The following RRM1 variants were observed in gnomAD, a reference collection of about 807,000 sequenced individuals.
RRM1 encodes ribonucleotide reductase catalytic subunit M1.
RRM1 carries 19 observed loss-of-function variants against 101.5 expected under a neutral mutation model. The observed-to-expected ratio is 0.19, with a 90% confidence interval of 0.13 to 0.27. RRM1 has a LOEUF of 0.27. Ranked by LOEUF, RRM1 falls within the 10% of genes least tolerant of loss-of-function variation. The pLI, the probability that RRM1 is intolerant of heterozygous loss-of-function variation, is 1.00. For missense variants in RRM1, 500 were observed against 962.9 expected, an observed-to-expected ratio of 0.52 and a Z score of 6.36; for synonymous variants, 298 against 323.4, an observed-to-expected ratio of 0.92 and a Z score of 0.84.
chr11:4,098,552 A>G (rs2094546717), intron 1 of RRM1, among the ~76,000 whole-genome samples: 2 of 152,186 alleles, frequency 1.3e-5, no homozygotes, highest in Admixed American at 6.5e-5. Flanking sequence ...AGATCCTACA[A>G]TCAATTGAGA....
At chr11:4,121,290 A>T (rs1042079760) in intron 9 of RRM1, among the ~76,000 whole-genome samples, 1 of 152,182 alleles carries the variant, frequency 6.6e-6, no homozygotes, top group Admixed American at 6.5e-5. Context: ...CTTTATGTAC[A>T]TGTCATGTGG....
At chr11:4,127,956 C>T (rs2094592597) in intron 14 of RRM1, among the ~76,000 whole-genome samples, 1 of 152,124 alleles carries the variant, frequency 6.6e-6, no homozygotes, top group African/African-American at 2.4e-5. Flanking sequence ...GGGCTGTGAT[C>T]TCGTCTGAGA....
chr11:4,138,598 GAAA>G lies in RRM1; in HGVS notation c.*223_*225del. 3.3e-6 allele frequency: 1 copy of G among 300,748 alleles called. No individual in the cohort carries two copies. Among genetic ancestry groups the G allele is most frequent in the Non-Finnish European group, 6.0e-6 (1 of 166,292 alleles). 18.6% of individuals were successfully genotyped at this position (300,748 alleles called of 1,614,324 possible). A position where few individuals can be genotyped will look rare whatever the true frequency, so the allele number is the denominator to read the frequency against. On this transcript the variant is annotated 3_prime_UTR_variant, in exon 19 of 19. Coordinates refer to ENST00000300738, the MANE Select transcript of RRM1 (RefSeq NM_001033.5). Reference sequence around the variant, plus strand: ...ACCAAAATAATGCTTTTGAAAAAAAGAAAAAAAAAACGGATATATTGAGAATCA... The same window carrying G: ...ACCAAAATAATGCTTTTGAAAAAAAGAAAAAAACGGATATATTGAGAATCA...
chr11:4,119,772 A>G, intron 8 of RRM1, 73 bp from the exon 9 acceptor site: 2 of 881,996 alleles, frequency 2.3e-6, no homozygotes, highest in East Asian at 2.4e-5. Context: ...CTTTTTTGAT[A>G]AAAGAATGGG....
At chr11:4,111,776 G>A in intron 6 of RRM1, 124 bp from the exon 7 acceptor site, 1 of 1,197,094 alleles carries the variant, frequency 8.4e-7, no homozygotes, top group Non-Finnish European at 1.2e-6. Context: ...GTGGATAATT[G>A]TCCTGTTTAT....
rs75615769 is a variant in RRM1 at position 4,113,560 on chromosome 11, G to A, written c.650+1498G>A. 1.8e-4 allele frequency among the ~76,000 whole-genome samples: 28 copies of A among 152,310 alleles called. No individual in the cohort carries two copies. The East Asian group carries it at 5.2e-3, about 28-fold the overall frequency. On this transcript the variant is annotated intron_variant, in intron 7 of 18. Coordinates refer to ENST00000300738, the MANE Select transcript of RRM1 (RefSeq NM_001033.5). ...TGTACTTTAGCTGTTAGAAAATTAAGTCTTAACCTACAGCCATGCATTACT... is the reference window on the plus strand; with the variant it reads ...TGTACTTTAGCTGTTAGAAAATTAAATCTTAACCTACAGCCATGCATTACT...
intron 17 of RRM1, 42 bp from the exon 18 acceptor site, chr11:4,135,040 C>T (rs758039043): frequency 1.4e-6 from 2 of 1,465,056 alleles, no homozygotes; most frequent in Admixed American, 1.9e-5. Flanking sequence ...ACACTGCTTT[C>T]TTTAACTGGA....
intron 1 of RRM1, among the ~76,000 whole-genome samples, chr11:4,097,655 G>A (rs1420300716): frequency 2.0e-5 from 3 of 152,016 alleles, no homozygotes; most frequent in African/African-American, 7.2e-5. Context: ...GCAGTGGTGT[G>A]ATCTCAGCTC....
intron 12 of RRM1, among the ~76,000 whole-genome samples, chr11:4,126,104 G>A (rs181603201): frequency 2.0e-5 from 3 of 152,354 alleles, no homozygotes; most frequent in Admixed American, 2.0e-4. Flanking sequence ...GTGTAGTGGA[G>A]AAATCACTGG....
Position 4,134,085 on chromosome 11 carries a change from C to T in RRM1, c.2001+427C>T, listed in dbSNP as rs376192482. ...GCAACCTCTGCCTCCTAGGTTCAAG[C>T]GATTCTCCTGCCTCAGCCTCCCAAG... On this transcript the variant is annotated intron_variant, in intron 17 of 18. Transcript: ENST00000300738. Among the ~76,000 whole-genome samples the T allele has an allele frequency of 2.2e-4, 31 of 141,170 alleles. No homozygotes were observed. The East Asian group carries it at 4.0e-3, about 18-fold the overall frequency. 92.6% of individuals were successfully genotyped at this position (141,170 alleles called of 152,430 possible). A position where few individuals can be genotyped will look rare whatever the true frequency, so the allele number is the denominator to read the frequency against.
At chr11:4,117,260 C>T (rs1345443411) in intron 7 of RRM1, among the ~76,000 whole-genome samples, 1 of 152,156 alleles carries the variant, frequency 6.6e-6, no homozygotes, top group Non-Finnish European at 1.5e-5. Flanking sequence ...ACGTGTATAT[C>T]TTTTGACCCA....
intron 2 of RRM1, among the ~76,000 whole-genome samples, chr11:4,105,169 T>C (rs1481083814): frequency 6.6e-6 from 1 of 152,226 alleles, no homozygotes; most frequent in East Asian, 1.9e-4. Flanking sequence ...TTATGCATTC[T>C]CATTACTAAG....
intron 1 of RRM1, among the ~76,000 whole-genome samples, chr11:4,099,943 T>TC (rs3216546): frequency 0.46 from 69,158 of 151,352 alleles, 17,421 homozygotes; most frequent in Non-Finnish European, 0.58. Flanking sequence ...TAAGTTGCTT[T>TC]CCCCCCCCAC....
intron 2 of RRM1, among the ~76,000 whole-genome samples, chr11:4,104,444 TAAAC>T (rs946968993): frequency 5.9e-5 from 9 of 152,202 alleles, no homozygotes; most frequent in African/African-American, 2.2e-4. Flanking sequence ...ATTCAATAAA[TAAAC>T]CACTCACAAC....
chr11:4,128,421 T>C (rs906334684), intron 14 of RRM1, among the ~76,000 whole-genome samples: 1 of 152,230 alleles, frequency 6.6e-6, no homozygotes, highest in African/African-American at 2.4e-5. Flanking sequence ...GTAATCTTCC[T>C]TTTATTTAAC....
chr11:4,113,680 C>T (rs2094568552), intron 7 of RRM1, among the ~76,000 whole-genome samples: 1 of 152,140 alleles, frequency 6.6e-6, no homozygotes, highest in Non-Finnish European at 1.5e-5. Flanking sequence ...ATTGTATAGC[C>T]TACTACACAC....
At position 4,138,461 on chromosome 11, in the gene RRM1, T is replaced by C. The variant is rs1321741741; in HGVS notation, c.*78T>C. The C allele has an allele frequency of 3.3e-5, 39 of 1,166,424 alleles. No individual in the cohort carries two copies. Among genetic ancestry groups the C allele is most frequent in the Non-Finnish European group, 4.3e-5 (38 of 876,150 alleles). The allele number at this position is 1,166,424 out of a possible 1,614,324, so 72.3% of individuals were successfully genotyped here. ...GCATAGATAGGTATAGTGGGTTTGCTTGAGGTGGTAAGGCTTTGCTGGACC... is the reference window on the plus strand; with the variant it reads ...GCATAGATAGGTATAGTGGGTTTGCCTGAGGTGGTAAGGCTTTGCTGGACC... On this transcript the variant is annotated 3_prime_UTR_variant, in exon 19 of 19. Coordinates refer to ENST00000300738, the MANE Select transcript of RRM1 (RefSeq NM_001033.5).
chr11:4,118,421 C>T lies in RRM1; in HGVS notation c.752C>T (p.Ala251Val). Residue 251 changes from alanine to valine, a missense_variant, in exon 8 of 19, where the codon GCT (alanine) becomes GTT (valine). Physicochemically the swap from Ala to Val is moderately conservative, Grantham distance 64 (BLOSUM62 0). Coordinates refer to ENST00000300738, the MANE Select transcript of RRM1 (RefSeq NM_001033.5). ...ISKSAGGIGV[A>V]VSCIRATGSY... ...AAGTCTGCTGGAGGAATTGGTGTTG[C>T]TGTGAGTTGTATTCGGGCTACTGGC... The T allele has an allele frequency of 1.2e-6, 2 of 1,613,984 alleles. No individual in the cohort carries two copies. Among genetic ancestry groups the T allele is most frequent in the Non-Finnish European group, 1.7e-6 (2 of 1,179,964 alleles).
chr11:4,117,452 T>C (rs889939639), intron 7 of RRM1, among the ~76,000 whole-genome samples: 4 of 152,240 alleles, frequency 2.6e-5, no homozygotes, highest in African/African-American at 9.6e-5. Context: ...GAATACCTTA[T>C]AGCAATGAAA....
Sources: allele counts gnomAD v4.1 joint callset (sites outside exome capture counted in the v4.1 genomes callset), GRCh38; gene constraint gnomAD v4.1.1; transcripts MANE v1.5; gene names NCBI Gene and HGNC (gene_info 2026-07-23, HGNC 2026-07-21).